The following GCN1 variants were observed in gnomAD, a reference collection of about 807,000 sequenced individuals.
GCN1 encodes stalled ribosome sensor GCN1.
A neutral mutation model predicts 288.4 loss-of-function variants in GCN1; 90 were observed. The observed-to-expected ratio is 0.31, with a 90% CI of 0.26 to 0.37. GCN1 has a LOEUF of 0.37. Among genes scored for constraint, GCN1 ranks in the 10% least tolerant of loss-of-function variants. The probability of loss-of-function intolerance (pLI) is 1.00; values close to 1 mark genes in which losing one functional copy is unlikely to be tolerated. For missense variants in GCN1, 2,586 were observed against 3,419.9 expected, an observed-to-expected ratio of 0.76 and a Z score of 6.08; for synonymous variants, 1,386 against 1,420.2, an observed-to-expected ratio of 0.98 and a Z score of 0.54.
Position 120,151,328 on chromosome 12 carries a change from C to T in GCN1, c.4126G>A (p.Gly1376Arg). ...TGCTGCATAAGCCTCTGGATCATCC[C>T]TCCAGCATCCTCCTTGATGGCTGGC... ...LVPAIKEDAG[G>R]MIQRLMQQLL... Residue 1376 changes from glycine to arginine, a missense_variant, in exon 34 of 58, where the codon GGG becomes AGG. Gly to Arg is a moderately radical substitution (Grantham distance 125). This residue lies in a region of GCN1 where 332 missense variants were observed against 403.0 expected (regional missense o/e 0.82). Coordinates refer to ENST00000300648, the MANE Select transcript of GCN1 (RefSeq NM_006836.2). The T allele has an allele frequency of 6.2e-7, 1 of 1,614,048 alleles. No individual in the cohort carries two copies. The highest frequency in any genetic ancestry group is 1.1e-5 in the South Asian group (1 of 91,078).
chr12:120,184,591 C>T (rs1487605273), intron 3 of GCN1, among the ~76,000 whole-genome samples: 1 of 152,186 alleles, frequency 6.6e-6, no homozygotes, highest in Non-Finnish European at 1.5e-5. Context: ...CCAGGCACCT[C>T]ACGCTTACTA....
intron 24 of GCN1, 71 bp downstream of exon 24, chr12:120,159,754 A>T: frequency 7.4e-7 from 1 of 1,356,798 alleles, no homozygotes; most frequent in Non-Finnish European, 1.1e-6. Flanking sequence ...ACAAGCACTC[A>T]GGGGCACACC....
chr12:120,160,350 C>A (rs1174882002), intron 22 of GCN1, 95 bp from the exon 23 acceptor site: 4 of 840,050 alleles, frequency 4.8e-6, no homozygotes, highest in African/African-American at 3.3e-5. Context: ...ACAAACAGCA[C>A]CATACCAGCT....
In GCN1 at chr12:120,156,955, C is replaced by T. The variant is rs201401558; in HGVS notation, c.3125G>A (p.Arg1042His). ...CGTCCCGATCACCCAAGTCAGAAGA[C>T]GCAGCATGGCCACGCGAGGCAGCAA... ...PELLPRVAML[R>H]LLTWVIGTGS... The change falls in exon 27 of 58, where the codon CGT becomes CAT. Residue 1042 changes from arginine to histidine, a missense_variant. Physicochemically the swap from Arg to His is conservative, Grantham distance 29. This residue lies in a region of GCN1 where 153 missense variants were observed against 252.0 expected (regional missense o/e 0.61). Coordinates refer to ENST00000300648, the MANE Select transcript of GCN1 (RefSeq NM_006836.2). This position sits in a 1 kb window ranked among gnomAD's most constrained non-coding sequence, Gnocchi z 5.8. The T allele has an allele frequency of 1.7e-5, 27 of 1,613,340 alleles. No individual in the cohort carries two copies. The highest frequency in any genetic ancestry group is 3.3e-5 in the Admixed American group (2 of 59,994).
chr12:120,129,884 TGGGCTCC>T (rs1346446647), intron 56 of GCN1, among the ~76,000 whole-genome samples: 4 of 152,172 alleles, frequency 2.6e-5, no homozygotes, highest in Non-Finnish European at 4.4e-5. Context: ...GTCCTCCCCA[TGGGCTCC>T]AGGGATCCTG....
intron 38 of GCN1, among the ~76,000 whole-genome samples, chr12:120,146,319 G>T (rs1014663096): frequency 1.3e-5 from 2 of 150,876 alleles, no homozygotes; most frequent in African/African-American, 4.9e-5. Context: ...GGGAACTGTA[G>T]ATAAAATATT....
intron 1 of GCN1, among the ~76,000 whole-genome samples, chr12:120,190,962 C>T (rs1011543808): frequency 3.3e-5 from 5 of 152,172 alleles, no homozygotes; most frequent in African/African-American, 1.2e-4. Context: ...CTGCCTTTTA[C>T]TAGCTGTAGA....
At chr12:120,159,577 G>A (rs560205060) in intron 24 of GCN1, among the ~76,000 whole-genome samples, 12 of 152,258 alleles carry the variant, frequency 7.9e-5, no homozygotes, top group African/African-American at 2.6e-4. Flanking sequence ...TACAAAGATC[G>A]AACACTGACT....
chr12:120,135,638 C>T (rs928202548), intron 51 of GCN1, among the ~76,000 whole-genome samples: 5 of 151,988 alleles, frequency 3.3e-5, no homozygotes, highest in Non-Finnish European at 7.4e-5. Flanking sequence ...GCTGGGATTA[C>T]AGGCTTGAGC....
intron 15 of GCN1, 69 bp from the exon 16 acceptor site, chr12:120,168,369 T>C (rs529787302): frequency 5.4e-6 from 5 of 920,840 alleles, no homozygotes; most frequent in Admixed American, 1.7e-5. Flanking sequence ...TACTCCATCC[T>C]GAAGCTGCTG....
chr12:120,161,705 T>C (rs780489462), intron 21 of GCN1, 122 bp from the exon 22 acceptor site: 1 of 902,060 alleles, frequency 1.1e-6, no homozygotes, highest in Non-Finnish European at 1.8e-6. Flanking sequence ...TGCCGGATAC[T>C]GGACACACTT....
chr12:120,193,148 T>C (rs560799401), intron 1 of GCN1, among the ~76,000 whole-genome samples: 1 of 152,288 alleles, frequency 6.6e-6, no homozygotes, highest in African/African-American at 2.4e-5. Flanking sequence ...AGGTCAGGAA[T>C]TCGAGACCAG....
At chr12:120,167,612 T>C (rs887638650) in intron 16 of GCN1, among the ~76,000 whole-genome samples, 2 of 152,164 alleles carry the variant, frequency 1.3e-5, no homozygotes, top group Non-Finnish European at 2.9e-5. Flanking sequence ...ATGTAGACCC[T>C]CTTGTATCTA....
chr12:120,135,332 G>A (rs1242207059), intron 51 of GCN1, among the ~76,000 whole-genome samples: 16 of 152,108 alleles, frequency 1.1e-4, no homozygotes, highest in Admixed American at 1.0e-3. Flanking sequence ...CAATACAGGT[G>A]GGTCCAAGAG....
intron 22 of GCN1, 98 bp downstream of exon 22, chr12:120,161,392 A>G: frequency 1.3e-6 from 1 of 761,972 alleles, no homozygotes; most frequent in East Asian, 2.4e-5. Flanking sequence ...GGGCCTCAGG[A>G]TGTTCCAAGT....
chr12:120,178,002 C>T (rs143786905), intron 7 of GCN1, among the ~76,000 whole-genome samples: 3 of 152,206 alleles, frequency 2.0e-5, no homozygotes, highest in East Asian at 3.9e-4. Flanking sequence ...CAGCTGGCTG[C>T]GTCTCACTCT....
At chr12:120,136,945 C>CAG (rs1224691349) in intron 50 of GCN1, among the ~76,000 whole-genome samples, 1 of 152,200 alleles carries the variant, frequency 6.6e-6, no homozygotes, top group African/African-American at 2.4e-5. Flanking sequence ...GCCTATCACA[C>CAG]AGAGAGAACA....
At chr12:120,130,491 A>G (rs1876779379) in intron 56 of GCN1, among the ~76,000 whole-genome samples, 155 bp downstream of exon 56, 1 of 152,128 alleles carries the variant, frequency 6.6e-6, no homozygotes, top group Non-Finnish European at 1.5e-5. Context: ...GAAACCCCCT[A>G]CATTCCATCC....
rs35819206 is a variant in GCN1, at chr12:120,169,276, CAAAAAAA to C, written c.1519+886_1519+892del. 4.2e-4 allele frequency among the ~76,000 whole-genome samples: 28 copies of C among 66,654 alleles called. No homozygotes were observed. In the East Asian group the frequency reaches 9.6e-3, roughly 23 times the overall value. The allele number at this position is 66,654 out of a possible 152,430, so 43.7% of individuals were successfully genotyped here. ...TGGGCGACAGAGCGAAACTCCGTCT[CAAAAAAA>C]AAAAAAAAAAAAGAAAAAAAAAAAA... On this transcript the variant is annotated intron_variant, in intron 15 of 57. Transcript: ENST00000300648.
Sources: allele counts gnomAD v4.1 joint callset (sites outside exome capture counted in the v4.1 genomes callset), GRCh38; gene constraint gnomAD v4.1.1; regional missense constraint gnomAD v4.1.1; non-coding constraint Gnocchi (gnomAD v3.1); transcripts MANE v1.5; gene names NCBI Gene and HGNC (gene_info 2026-07-23, HGNC 2026-07-21).